Variants in GTF3C1 observed in about 807,000 individuals in gnomAD.
The protein encoded by GTF3C1 is general transcription factor IIIC subunit 1, also known as general transcription factor 3C polypeptide 1.
In GTF3C1, 57 loss-of-function variants were observed where a neutral mutation model predicts 226.7. The observed-to-expected ratio is 0.25, with a 90% CI of 0.20 to 0.31. The LOEUF is 0.31. Among genes scored for constraint, GTF3C1 ranks in the 10% least tolerant of loss-of-function variants. The probability of loss-of-function intolerance (pLI) is 1.00; values close to 1 mark genes in which losing one functional copy is unlikely to be tolerated. For synonymous variants in GTF3C1, 1,090 were observed against 1,084.8 expected, an observed-to-expected ratio of 1.00 and a Z score of -0.09; for missense variants, 2,217 against 2,776.1, an observed-to-expected ratio of 0.80 and a Z score of 4.53.
intron 23 of GTF3C1, among the ~76,000 whole-genome samples, chr16:27,486,918 G>A (rs909186427): frequency 6.6e-6 from 1 of 152,218 alleles, no homozygotes; most frequent in Non-Finnish European, 1.5e-5. Context: ...GAGACATACA[G>A]TGACTTGCTG....
intron 26 of GTF3C1, among the ~76,000 whole-genome samples, chr16:27,481,721 C>T (rs1038801440): frequency 3.3e-5 from 5 of 152,206 alleles, no homozygotes; most frequent in African/African-American, 9.6e-5. Context: ...ATGGTATGCT[C>T]CCGCTCCTCC....
intron 6 of GTF3C1, among the ~76,000 whole-genome samples, chr16:27,520,199 C>T (rs2088724523): frequency 1.3e-5 from 2 of 152,176 alleles, no homozygotes; most frequent in South Asian, 4.1e-4. Flanking sequence ...ACTGCAACCT[C>T]CACCTCCTGG....
At position 27,461,643 on chromosome 16, in the gene GTF3C1, C is replaced by A. The variant is rs2087707755; in HGVS notation, c.6118-81G>T. The A allele has an allele frequency of 9.1e-7, 1 of 1,093,962 alleles. No homozygotes were observed. 67.8% of individuals were successfully genotyped at this position (1,093,962 alleles called of 1,614,324 possible). A position where few individuals can be genotyped will look rare whatever the true frequency, so the allele number is the denominator to read the frequency against. The stretch of plus-strand genomic sequence containing the variant: ...TTATTCTTCAAGCATTTATGGAATG[C>A]CCCCTCTGTACCAGGGAGCCACTTC... On this transcript the variant is annotated intron_variant, in intron 36 of 36. Coordinates refer to ENST00000356183, the MANE Select transcript of GTF3C1 (RefSeq NM_001520.4). This position sits in a 1 kb window ranked among gnomAD's most constrained non-coding sequence, Gnocchi z 5.3.
intron 23 of GTF3C1, among the ~76,000 whole-genome samples, chr16:27,487,666 G>C (rs1392804027): frequency 6.6e-6 from 1 of 152,310 alleles, no homozygotes. Flanking sequence ...GGTGGCGCAC[G>C]CCTGTAATCC....
At chr16:27,468,389 C>T (rs1326224788) in intron 32 of GTF3C1, among the ~76,000 whole-genome samples, 1 of 152,066 alleles carries the variant, frequency 6.6e-6, no homozygotes, top group Non-Finnish European at 1.5e-5. Flanking sequence ...GAGGCCATGG[C>T]GGGAGAATCC....
At chr16:27,502,119 G>A (rs2088414466) in intron 11 of GTF3C1, among the ~76,000 whole-genome samples, 2 of 151,530 alleles carry the variant, frequency 1.3e-5, no homozygotes, top group African/African-American at 4.9e-5. Context: ...AAAGAAAATA[G>A]AATACAGGGC....
chr16:27,478,485 C>G lies in GTF3C1; in HGVS notation c.4243G>C (p.Glu1415Gln). Residue 1415 changes from glutamate (E) to glutamine (Q), a missense_variant, in exon 28 of 37, where the codon GAG becomes CAG. Physicochemically the swap from Glu to Gln is conservative, Grantham distance 29. Coordinates refer to ENST00000356183, the MANE Select transcript of GTF3C1 (RefSeq NM_001520.4). ...IGDEKDQTRK[E>Q]DELNSVDDIH... ...AGTACTTACCTGTTAAGTTCATCCT[C>G]TTTCCTGGTTTGATCTTTTTCATCC... 1 of 1,609,080 alleles carries G rather than the reference C, an allele frequency of 6.2e-7. No individual in the cohort carries two copies. The highest frequency in any genetic ancestry group is 8.5e-7 in the Non-Finnish European group (1 of 1,175,398).
chr16:27,520,325 A>G (rs2088726082), intron 6 of GTF3C1, among the ~76,000 whole-genome samples: 1 of 151,808 alleles, frequency 6.6e-6, no homozygotes, highest in African/African-American at 2.4e-5. Flanking sequence ...ATGTTGGCCA[A>G]GCTGGTCTCC....
chr16:27,521,446 AAACAC>A (rs370988388), intron 6 of GTF3C1, among the ~76,000 whole-genome samples: 18 of 152,324 alleles, frequency 1.2e-4, no homozygotes, highest in African/African-American at 4.1e-4. Context: ...CTCTTCTGAG[AAACAC>A]AACACATTTC....
chr16:27,544,696 G>A (rs1225912444), intron 2 of GTF3C1, among the ~76,000 whole-genome samples: 2 of 152,140 alleles, frequency 1.3e-5, no homozygotes, highest in African/African-American at 2.4e-5. Context: ...GACACTCTGG[G>A]GAATTGGGAT....
At chr16:27,494,226 C>T (rs995757538) in intron 16 of GTF3C1, among the ~76,000 whole-genome samples, 5 of 151,866 alleles carry the variant, frequency 3.3e-5, no homozygotes, top group African/African-American at 9.7e-5. Context: ...ATGGCAAAAC[C>T]CCGTCTCTAT....
In GTF3C1 at chr16:27,503,339, T is replaced by C. The variant is rs112940199; in HGVS notation, c.1771-344A>G. Reference sequence around the variant, plus strand: ...CCCATACAGGAATGGAAGAAACTGATGTACAGACAATTACATGCCAAGTAT... The same window carrying C: ...CCCATACAGGAATGGAAGAAACTGACGTACAGACAATTACATGCCAAGTAT... On this transcript the variant is annotated intron_variant, in intron 10 of 36. Coordinates refer to ENST00000356183, the MANE Select transcript of GTF3C1 (RefSeq NM_001520.4). 7.0e-3 allele frequency among the ~76,000 whole-genome samples: 1,064 copies of C among 152,340 alleles called. 16 individuals are homozygous for C. The highest frequency in any genetic ancestry group is 0.024 in the African/African-American group (1,010 of 41,570).
Position 27,462,218 on chromosome 16 carries a change from G to T in GTF3C1, c.6117+76C>A. 1 of 1,029,972 alleles carries T rather than the reference G, an allele frequency of 9.7e-7. No homozygotes were observed. Among genetic ancestry groups the T allele is most frequent in the Non-Finnish European group, 1.4e-6 (1 of 699,550 alleles). 63.8% of individuals were successfully genotyped at this position (1,029,972 alleles called of 1,614,324 possible). A position where few individuals can be genotyped will look rare whatever the true frequency, so the allele number is the denominator to read the frequency against. ...ATGGTGGTACTGCATGTTGCCTGGG[G>T]CCTGAACATCACAGCCGGGCCACTG... On this transcript the variant is annotated intron_variant, in intron 36 of 36. Coordinates refer to ENST00000356183, the MANE Select transcript of GTF3C1 (RefSeq NM_001520.4). This position sits in a 1 kb window ranked among gnomAD's most constrained non-coding sequence, Gnocchi z 4.5.
At chr16:27,478,072 G>A (rs2087980352) in intron 28 of GTF3C1, among the ~76,000 whole-genome samples, 1 of 152,014 alleles carries the variant, frequency 6.6e-6, no homozygotes, top group Non-Finnish European at 1.5e-5. Flanking sequence ...TCGGGAGGCT[G>A]AAGAATGAGA....
At chr16:27,522,139 C>T (rs1439927036) in intron 6 of GTF3C1, among the ~76,000 whole-genome samples, 1 of 152,196 alleles carries the variant, frequency 6.6e-6, no homozygotes, top group Non-Finnish European at 1.5e-5. Context: ...TTGCATATCA[C>T]ATGATTCATC....
At chr16:27,521,358 G>A (rs1008654303) in intron 6 of GTF3C1, among the ~76,000 whole-genome samples, 1 of 152,240 alleles carries the variant, frequency 6.6e-6, no homozygotes, top group Non-Finnish European at 1.5e-5. Context: ...CTCCCTCAGC[G>A]TGTGGCCAGT....
chr16:27,519,154 TG>T (rs112290165), intron 6 of GTF3C1, among the ~76,000 whole-genome samples: 12,301 of 151,866 alleles, frequency 0.081, 610 homozygotes, highest in African/African-American at 0.1. Context: ...AAGAATTGTC[TG>T]ATAAGGCAGA....
Position 27,469,277 on chromosome 16 carries a change from G to A in GTF3C1, c.5074+14C>T, listed in dbSNP as rs1367728029. 7 of 1,547,126 alleles carry A rather than the reference G, an allele frequency of 4.5e-6. No individual in the cohort carries two copies. Among genetic ancestry groups the A allele is most frequent in the Non-Finnish European group, 6.1e-6 (7 of 1,142,978 alleles). On this transcript the variant is annotated intron_variant, in intron 32 of 36. Coordinates refer to ENST00000356183, the MANE Select transcript of GTF3C1 (RefSeq NM_001520.4). This position sits in a 1 kb window ranked among gnomAD's most constrained non-coding sequence, Gnocchi z 4.5. Reference sequence around the variant, plus strand: ...GAGGCCAGGCCCTCCCACAGCACCAGCAGGAGCACTCACCAGCGGGCCTGA... The same window carrying A: ...GAGGCCAGGCCCTCCCACAGCACCAACAGGAGCACTCACCAGCGGGCCTGA...
At chr16:27,515,304 T>A (rs2088639519) in intron 6 of GTF3C1, among the ~76,000 whole-genome samples, 1 of 151,738 alleles carries the variant, frequency 6.6e-6, no homozygotes, top group African/African-American at 2.4e-5. Context: ...AAATTAGCTA[T>A]AGGCGTTGGA....
Sources: gnomAD v4.1 joint callset for allele counts (sites outside exome capture counted in the v4.1 genomes callset) on GRCh38, gnomAD v4.1.1 for gene constraint, Gnocchi (gnomAD v3.1) non-coding constraint, MANE v1.5 for transcripts, NCBI Gene and HGNC (gene_info 2026-07-23, HGNC 2026-07-21) for gene names.